Variants in CNPPD1 observed in about 807,000 individuals in gnomAD.
The protein encoded by CNPPD1 is protein CNPPD1.
In CNPPD1, 40 loss-of-function variants were observed where a neutral mutation model predicts 43.7. The ratio of observed to expected loss-of-function variants is 0.92; its 90% confidence interval spans 0.71 to 1.19. The LOEUF (loss-of-function observed/expected upper bound fraction) is 1.19. Ranked by LOEUF, CNPPD1 falls within the 50% of genes most tolerant of loss-of-function variation. The pLI, the probability that CNPPD1 is intolerant of heterozygous loss-of-function variation, is 0.00. For synonymous variants in CNPPD1, 208 were observed against 214.3 expected (o/e 0.97, Z 0.26); for missense variants, 511 against 518.5 (o/e 0.99, Z 0.14).
At chr2:219,176,508 G>A (rs1950164566) in intron 1 of CNPPD1, 177 bp from the exon 2 acceptor site, 5 of 627,362 alleles carry the variant, frequency 8.0e-6, no homozygotes, top group South Asian at 1.9e-5. Context: ...TCCATAGAGG[G>A]AGGAATGCCC....
Position 219,172,012 on chromosome 2 carries a change from A to C in CNPPD1, c.*574T>G, listed in dbSNP as rs1258616387. Reference sequence around the variant, plus strand: ...ATACCTGGGAGAAGAACCAGAAGAGAGGGAAACCTAGGAGCAGGACACTAA... The same window carrying C: ...ATACCTGGGAGAAGAACCAGAAGAGCGGGAAACCTAGGAGCAGGACACTAA... On this transcript the variant is annotated 3_prime_UTR_variant, in exon 8 of 8. Transcript: ENST00000360507. 6.4e-6 allele frequency: 1 copy of C among 155,776 alleles called. No individual in the cohort carries two copies. Among genetic ancestry groups the C allele is most frequent in the Non-Finnish European group, 1.4e-5 (1 of 69,952 alleles). 9.6% of individuals were successfully genotyped at this position (155,776 alleles called of 1,614,324 possible). A position where few individuals can be genotyped will look rare whatever the true frequency, so the allele number is the denominator to read the frequency against.
In CNPPD1 at chr2:219,174,860, ACCT is replaced by A. The variant is rs757371658; in HGVS notation, c.425_427del (p.Glu142del). ...AGCAGCTCCCCATTCGTCGTTGAAG[ACCT>A]CCTCCTCCTCCCCTTCATCATAGAG... On this transcript the variant is annotated inframe_deletion, in exon 5 of 8. Coordinates refer to ENST00000360507, the MANE Select transcript of CNPPD1 (RefSeq NM_015680.6). 25 of 1,613,486 alleles carry A rather than the reference ACCT, an allele frequency of 1.5e-5. 1 individual carries two copies. The South Asian group carries it at 2.5e-4, about 16-fold the overall frequency.
chr2:219,172,872 A>T lies in CNPPD1; in HGVS notation c.947T>A (p.Leu316Gln), dbSNP rs759387017. 6.3e-7 allele frequency: 1 copy of T among 1,596,060 alleles called. No individual in the cohort carries two copies. Among genetic ancestry groups the T allele is most frequent in the South Asian group, 1.1e-5 (1 of 88,366 alleles). The change falls in exon 8 of 8, where the codon CTG (leucine) becomes CAG (glutamine). Residue 316 changes from leucine (L) to glutamine (Q), a missense_variant. Coordinates refer to ENST00000360507, the MANE Select transcript of CNPPD1 (RefSeq NM_015680.6). The stretch of plus-strand genomic sequence containing the variant: ...TGGGGGAGGCAATGGTGGAGGAGTC[A>T]GTGAGGCCAGAAGACTGCCCCAGAG... Reference protein sequence around the residue: ...RSLWGSLLASLTPPPLPPPDP... With the variant: ...RSLWGSLLASQTPPPLPPPDP...
rs377307605 is a variant in CNPPD1 at position 219,174,244 on chromosome 2, G to T, written c.511-37C>A. On this transcript the variant is annotated intron_variant, in intron 5 of 7. Coordinates refer to ENST00000360507, the MANE Select transcript of CNPPD1 (RefSeq NM_015680.6). ...GAGAGTGGACATCAAACCAGACTTG[G>T]ATGAGCCACAGTCATTTAATAATAA... The T allele has an allele frequency of 2.3e-5, 37 of 1,598,262 alleles. No individual in the cohort carries two copies. The Middle Eastern group carries it at 6.6e-4, about 29-fold the overall frequency.
At position 219,176,524 on chromosome 2, in the gene CNPPD1, C is replaced by A. The variant is rs1044654252; in HGVS notation, c.70-193G>T. ...CCATAGAGGGAGGAATGCCCCCACC[C>A]CCATCGAGGGTTCCCCGGGAGAAGT... On this transcript the variant is annotated intron_variant, in intron 1 of 7. Coordinates refer to ENST00000360507, the MANE Select transcript of CNPPD1 (RefSeq NM_015680.6). The A allele has an allele frequency of 5.1e-5, 32 of 624,886 alleles. No individual in the cohort carries two copies. The Admixed American group carries it at 6.3e-4, about 12-fold the overall frequency. The allele number at this position is 624,886 out of a possible 1,614,324, so 38.7% of individuals were successfully genotyped here. A position where few individuals can be genotyped will look rare whatever the true frequency, so the allele number is the denominator to read the frequency against.
rs751993063 is a variant in CNPPD1 at position 219,175,049 on chromosome 2, C to T, written c.320G>A (p.Arg107Gln). 1.4e-5 allele frequency: 22 copies of T among 1,613,262 alleles called. No homozygotes were observed. The highest frequency in any genetic ancestry group is 3.3e-5 in the South Asian group (3 of 91,034). Residue 107 changes from arginine to glutamine, a missense_variant, in exon 4 of 8, where the codon CGG (arginine) becomes CAG (glutamine). Coordinates refer to ENST00000360507, the MANE Select transcript of CNPPD1 (RefSeq NM_015680.6). The part of the protein sequence containing the change: ...MLALVYIERL[R>Q]HRNPDYLQHV... ...CTGCAAGTAGTCTGGGTTTCGGTGC[C>T]GGAGCCGTTCAATGTACACCAGAGC...
intron 6 of CNPPD1, among the ~76,000 whole-genome samples, chr2:219,173,811 A>AT (rs1192408043): frequency 6.6e-6 from 1 of 151,692 alleles, no homozygotes; most frequent in African/African-American, 2.4e-5. Flanking sequence ...TCTGGCTAGT[A>AT]TTTTTTTCTG....
rs556217178 is a variant in CNPPD1 at position 219,176,039 on chromosome 2, G to A, written c.178+184C>T. On this transcript the variant is annotated intron_variant, in intron 2 of 7. Transcript: ENST00000360507. ...GTGATTTGTATAGATATATGTGGCA[G>A]CAATGTTTTTTATTCATTTGGGCTA... Among the ~76,000 whole-genome samples, 3 of 152,350 alleles carry A rather than the reference G, an allele frequency of 2.0e-5. No homozygotes were observed. In the East Asian group the frequency reaches 5.8e-4, roughly 29 times the overall value.
chr2:219,174,272 G>C, intron 5 of CNPPD1, 65 bp from the exon 6 acceptor site: 1 of 1,511,992 alleles, frequency 6.6e-7, no homozygotes, highest in African/African-American at 1.4e-5. Flanking sequence ...AATAATAAGA[G>C]CCATAGCAGC....
rs115184144 is a variant in CNPPD1 at position 219,173,489 on chromosome 2, C to T, written c.573-22G>A. ...CACACTGGGGGAAGTGGAGAAATGA[C>T]AAGAGTATGCAACTGTCCTGCAGCC... On this transcript the variant is annotated intron_variant, in intron 6 of 7. Coordinates refer to ENST00000360507, the MANE Select transcript of CNPPD1 (RefSeq NM_015680.6). 4,451 of 1,606,816 alleles carry T rather than the reference C, an allele frequency of 2.8e-3. 83 individuals are homozygous for T. In the African/African-American group the frequency reaches 0.047, roughly 17 times the overall value.
intron 2 of CNPPD1, 73 bp from the exon 3 acceptor site, chr2:219,175,745 C>T: frequency 8.0e-7 from 1 of 1,243,112 alleles, no homozygotes; most frequent in East Asian, 2.3e-5. Flanking sequence ...CCACTGCTAG[C>T]AGAAGACCCA....
Sources: allele counts gnomAD v4.1 joint callset (sites outside exome capture counted in the v4.1 genomes callset), GRCh38; gene constraint gnomAD v4.1.1; transcripts MANE v1.5; gene names NCBI Gene and HGNC (gene_info 2026-07-23, HGNC 2026-07-21).